The following UGT1A6 variants were observed in gnomAD, a reference collection of about 807,000 sequenced individuals.
The protein encoded by UGT1A6 is UDP-glucuronosyltransferase 1A6.
Under a neutral mutation model 44.4 loss-of-function variants are expected in UGT1A6, and 32 were observed. The observed-to-expected ratio is 0.72, with a 90% CI of 0.54 to 0.97. The LOEUF (loss-of-function observed/expected upper bound fraction) is 0.97. UGT1A6 is among the 50% of genes least tolerant of loss of function. The pLI, the probability that UGT1A6 is intolerant of heterozygous loss-of-function variation, is 0.00. For missense variants in UGT1A6, 685 were observed against 661.9 expected (o/e 1.03, Z -0.38); for synonymous variants, 238 against 248.5 (o/e 0.96, Z 0.40).
intron 4 of UGT1A6, among the ~76,000 whole-genome samples, chr2:233,768,754 T>C (rs899936789): frequency 6.6e-6 from 1 of 151,960 alleles, no homozygotes; most frequent in Non-Finnish European, 1.5e-5. Context: ...GGTTAATTTT[T>C]GTATTTTTTA....
Position 233,693,591 on chromosome 2 carries a change from A to T in UGT1A6, c.587A>T (p.Tyr196Phe). The part of the protein sequence containing the change: ...PDPVSYIPRC[Y>F]TKFSDHMTFS... ...CCTGTGTCCTACATTCCCAGGTGCT[A>T]CACAAAGTTTTCAGACCACATGACT... The change falls in exon 1 of 5, where the codon TAC becomes TTC. Residue 196 changes from tyrosine (Y) to phenylalanine (F), a missense_variant. Coordinates refer to ENST00000305139, the MANE Select transcript of UGT1A6 (RefSeq NM_001072.4). The T allele has an allele frequency of 6.2e-7, 1 of 1,614,232 alleles. No homozygotes were observed. Among genetic ancestry groups the T allele is most frequent in the Non-Finnish European group, 8.5e-7 (1 of 1,180,032 alleles).
At chr2:233,747,947 G>T in intron 1 of UGT1A6, 1 of 1,613,454 alleles carries the variant, frequency 6.2e-7, no homozygotes, top group Non-Finnish European at 8.5e-7. Flanking sequence ...AGGTGTCAGT[G>T]GTGGATCTTC....
In UGT1A6 at chr2:233,719,159, T is replaced by C. The variant is rs28898610; in HGVS notation, c.861+25294T>C. 5.1e-4 allele frequency: 822 copies of C among 1,614,244 alleles called. 5 individuals are homozygous for C. The African/African-American group carries it at 9.5e-3, about 19-fold the overall frequency. ...ATCTTCTGAAGAGATATTCTAGAAG[T>C]ATGGCAATTATGAACAATGTATCTT... On this transcript the variant is annotated intron_variant, in intron 1 of 4. Transcript: ENST00000305139.
chr2:233,712,951 A>C, intron 1 of UGT1A6: 1 of 1,612,798 alleles, frequency 6.2e-7, no homozygotes, highest in Middle Eastern at 2.0e-4. Flanking sequence ...TAGGAGGCAC[A>C]ACGTGGGGTG....
chr2:233,712,754 C>T lies in UGT1A6; in HGVS notation c.861+18889C>T, dbSNP rs910147754. ...GCTTGAACTTGGATGTTCCCCAGAGCGAGCGCAAGGTCAGATGAGTTTTTC... is the reference window on the plus strand; with the variant it reads ...GCTTGAACTTGGATGTTCCCCAGAGTGAGCGCAAGGTCAGATGAGTTTTTC... On this transcript the variant is annotated intron_variant, in intron 1 of 4. Coordinates refer to ENST00000305139, the MANE Select transcript of UGT1A6 (RefSeq NM_001072.4). Among the ~76,000 whole-genome samples the T allele has an allele frequency of 2.6e-5, 4 of 151,984 alleles. No homozygotes were observed. The East Asian group carries it at 5.8e-4, about 22-fold the overall frequency.
At chr2:233,759,148 C>T (rs958103871) in intron 1 of UGT1A6, among the ~76,000 whole-genome samples, 4 of 152,184 alleles carry the variant, frequency 2.6e-5, no homozygotes, top group African/African-American at 9.7e-5. Context: ...AAGGTGAGTT[C>T]CACAGAACAC....
At position 233,772,663 on chromosome 2, in the gene UGT1A6, A is replaced by G. The variant is rs1700540831; in HGVS notation, c.*104A>G. The G allele has an allele frequency of 5.2e-6, 8 of 1,539,906 alleles. No homozygotes were observed. Among genetic ancestry groups the G allele is most frequent in the Non-Finnish European group, 7.0e-6 (8 of 1,144,332 alleles). On this transcript the variant is annotated 3_prime_UTR_variant, in exon 5 of 5. Coordinates refer to ENST00000305139, the MANE Select transcript of UGT1A6 (RefSeq NM_001072.4). Reference sequence around the variant, plus strand: ...TTCATTTTATTCTTATTAAGGAAATACTTTGCATAAATTAATCAGCCCCAG... The same window carrying G: ...TTCATTTTATTCTTATTAAGGAAATGCTTTGCATAAATTAATCAGCCCCAG...
intron 1 of UGT1A6, among the ~76,000 whole-genome samples, chr2:233,741,294 T>C (rs954332893): frequency 1.3e-5 from 2 of 151,798 alleles, no homozygotes; most frequent in African/African-American, 4.9e-5. Context: ...ATGTACCCAA[T>C]TGTGTAGATA....
At chr2:233,716,325 T>G (rs1422472353) in intron 1 of UGT1A6, among the ~76,000 whole-genome samples, 1 of 152,228 alleles carries the variant, frequency 6.6e-6, no homozygotes, top group East Asian at 1.9e-4. Flanking sequence ...ATGGAATATA[T>G]TCCCAGGTTT....
In UGT1A6 at chr2:233,769,615, T is replaced by C. The variant is rs1284239952; in HGVS notation, c.1301+1176T>C. 10 of 1,612,642 alleles carry C rather than the reference T, an allele frequency of 6.2e-6. No homozygotes were observed. The highest frequency in any genetic ancestry group is 4.5e-5 in the East Asian group (2 of 44,898). On this transcript the variant is annotated intron_variant, in intron 4 of 4. Coordinates refer to ENST00000305139, the MANE Select transcript of UGT1A6 (RefSeq NM_001072.4). This position sits in a 1 kb window ranked among gnomAD's most constrained non-coding sequence, Gnocchi z 4.4. The stretch of plus-strand genomic sequence containing the variant: ...GACGGAACACGGGGACACACCAGCT[T>C]GAGCAAGGGACAACAGGGGAGGACT...
rs1297970201 is a variant in UGT1A6, at chr2:233,751,288, T to C, written c.862-15746T>C. 1.2e-4 allele frequency among the ~76,000 whole-genome samples: 18 copies of C among 151,952 alleles called. 3 individuals are homozygous for C. Among genetic ancestry groups the C allele is most frequent in the African/African-American group, 4.4e-4 (18 of 41,184 alleles). Reference sequence around the variant, plus strand: ...CCTTTTTTTGGCCAGTTTCTCCCATTTGGAATGGGAATATTTACCCAATTT... The same window carrying C: ...CCTTTTTTTGGCCAGTTTCTCCCATCTGGAATGGGAATATTTACCCAATTT... On this transcript the variant is annotated intron_variant, in intron 1 of 4. Transcript: ENST00000305139.
rs1296616460 is a variant in UGT1A6 at position 233,754,185 on chromosome 2, C to G, written c.862-12849C>G. Reference sequence around the variant, plus strand: ...ATTAATATATTCATAGATTTCACCACCACACAGTAAAACATTGAAGTCAAA... The same window carrying G: ...ATTAATATATTCATAGATTTCACCAGCACACAGTAAAACATTGAAGTCAAA... On this transcript the variant is annotated intron_variant, in intron 1 of 4. Transcript: ENST00000305139. 3.1e-5 allele frequency: 5 copies of G among 159,682 alleles called. No individual in the cohort carries two copies. The East Asian group carries it at 9.1e-4, about 29-fold the overall frequency. 9.9% of individuals were successfully genotyped at this position (159,682 alleles called of 1,614,324 possible). A position where few individuals can be genotyped will look rare whatever the true frequency, so the allele number is the denominator to read the frequency against.
chr2:233,759,702 G>A (rs780884491), intron 1 of UGT1A6, among the ~76,000 whole-genome samples: 4 of 150,764 alleles, frequency 2.7e-5, no homozygotes, highest in Admixed American at 2.0e-4. Context: ...ACCTCATGGC[G>A]CGTGCTCGTG....
chr2:233,762,371 A>G (rs1296982558), intron 1 of UGT1A6, among the ~76,000 whole-genome samples: 2 of 152,236 alleles, frequency 1.3e-5, no homozygotes, highest in Non-Finnish European at 2.9e-5. Flanking sequence ...TTACATACCA[A>G]TATGTATATA....
At chr2:233,746,235 C>T (rs565676121) in intron 1 of UGT1A6, among the ~76,000 whole-genome samples, 3 of 151,598 alleles carry the variant, frequency 2.0e-5, no homozygotes, top group Non-Finnish European at 4.4e-5. Flanking sequence ...ATGCAAACTG[C>T]TAAAAGATAC....
intron 1 of UGT1A6, chr2:233,743,449 G>C (rs771301493): frequency 7.3e-7 from 1 of 1,365,064 alleles, no homozygotes; most frequent in South Asian, 1.1e-5. Flanking sequence ...TGTATCAAAA[G>C]AAGAAAAAAC....
At chr2:233,717,985 CAG>C in intron 1 of UGT1A6, 1 of 441,518 alleles carries the variant, frequency 2.3e-6, no homozygotes, top group Non-Finnish European at 4.5e-6. Flanking sequence ...AAGAGGAATT[CAG>C]ACTGTGCAAG....
At chr2:233,760,521 G>A (rs2125985351) in intron 1 of UGT1A6, 2 of 1,614,238 alleles carry the variant, frequency 1.2e-6, no homozygotes, top group Non-Finnish European at 1.7e-6. Flanking sequence ...CCTTGAAGAC[G>A]TACCCTGTGC....
At chr2:233,729,435 A>G in intron 1 of UGT1A6, 1 of 1,613,958 alleles carries the variant, frequency 6.2e-7, no homozygotes. Context: ...ACTTTGAAAC[A>G]GAACATTTTC....
Sources: allele counts gnomAD v4.1 joint callset (sites outside exome capture counted in the v4.1 genomes callset), GRCh38; gene constraint gnomAD v4.1.1; non-coding constraint Gnocchi (gnomAD v3.1); transcripts MANE v1.5; gene names NCBI Gene and HGNC (gene_info 2026-07-23, HGNC 2026-07-21).